The following SV2B variants were observed in gnomAD, a reference collection of about 807,000 sequenced individuals.
SV2B encodes synaptic vesicle glycoprotein 2B, also known as solute carrier family 22 member B2.
Under a neutral mutation model 73.9 loss-of-function variants are expected in SV2B, and 41 were observed. The ratio of observed to expected loss-of-function variants is 0.56; its 90% CI spans 0.43 to 0.72. The LOEUF (loss-of-function observed/expected upper bound fraction) is 0.72. Among genes scored for constraint, SV2B ranks in the 30% least tolerant of loss-of-function variants. The probability of loss-of-function intolerance (pLI) is 0.00; values close to 1 mark genes in which losing one functional copy is unlikely to be tolerated. For synonymous variants in SV2B, 314 were observed against 314.2 expected, an observed-to-expected ratio of 1.00 and a Z score of 0.01; for missense variants, 764 against 857.8, an observed-to-expected ratio of 0.89 and a Z score of 1.37.
chr15:91,248,367 A>G (rs1046155375), intron 2 of SV2B, among the ~76,000 whole-genome samples: 1 of 152,198 alleles, frequency 6.6e-6, no homozygotes, highest in African/African-American at 2.4e-5. Flanking sequence ...AAGTAGTTTA[A>G]TCAAACATTT....
chr15:91,160,487 AG>A (rs1157073024), intron 1 of SV2B, among the ~76,000 whole-genome samples: 1 of 152,212 alleles, frequency 6.6e-6, no homozygotes, highest in African/African-American at 2.4e-5. Context: ...GCATGCCTAT[AG>A]TCCCAGCTAC....
intron 1 of SV2B, among the ~76,000 whole-genome samples, chr15:91,188,094 T>C (rs1039530530): frequency 2.2e-4 from 33 of 151,968 alleles, no homozygotes; most frequent in Non-Finnish European, 3.4e-4. Flanking sequence ...ATCCATAAGT[T>C]TTTCTATAGT....
In SV2B at chr15:91,226,267, G is replaced by A. The variant is rs1252821483; in HGVS notation, c.4G>A (p.Asp2Asn). 1 of 1,614,104 alleles carries A rather than the reference G, an allele frequency of 6.2e-7. No individual in the cohort carries two copies. Among genetic ancestry groups the A allele is most frequent in the Non-Finnish European group, 8.5e-7 (1 of 1,180,008 alleles). Residue 2 changes from aspartate (D) to asparagine (N), a missense_variant, in exon 2 of 13, where the codon GAT becomes AAT. Coordinates refer to ENST00000394232, the MANE Select transcript of SV2B (RefSeq NM_001323032.3). Reference sequence around the variant, plus strand: ...CAGGCAGTCGCAGAACCAAGGAATGGATGACTACAAGTATCAGGACAATTA... The same window carrying A: ...CAGGCAGTCGCAGAACCAAGGAATGAATGACTACAAGTATCAGGACAATTA... The part of the protein sequence containing the change: M[D>N]DYKYQDNYGG...
intron 1 of SV2B, among the ~76,000 whole-genome samples, chr15:91,152,236 G>GT (rs570452398): frequency 1.5e-4 from 23 of 152,066 alleles, no homozygotes; most frequent in Non-Finnish European, 2.9e-4. Flanking sequence ...AATGTTCTTT[G>GT]TTTTTTCCAG....
rs543996812 is a variant in SV2B, at chr15:91,150,860, A to G, written c.-392+50497A>G. Among the ~76,000 whole-genome samples, 61 of 152,310 alleles carry G rather than the reference A, an allele frequency of 4.0e-4. 3 individuals carry two copies. The South Asian group carries it at 0.012, about 31-fold the overall frequency. On this transcript the variant is annotated intron_variant, in intron 1 of 12. Transcript: ENST00000394232. Reference sequence around the variant, plus strand: ...CAGATGCTTGTGAGGAAGCAGAGACAAGAGAACAGATGGCTCCATGGGGAA... The same window carrying G: ...CAGATGCTTGTGAGGAAGCAGAGACGAGAGAACAGATGGCTCCATGGGGAA...
chr15:91,252,386 C>A lies in SV2B; in HGVS notation c.650C>A (p.Pro217Gln). 1.9e-6 allele frequency: 3 copies of A among 1,611,864 alleles called. No individual in the cohort carries two copies. The highest frequency in any genetic ancestry group is 2.5e-6 in the Non-Finnish European group (3 of 1,179,116). ...ISGIGIGGAL[P>Q]IVFAYFSEFL... ...CTTTGCAGTATTGGGGGTGCTCTAC[C>A]GATTGTTTTTGCCTATTTTTCTGAA... is the stretch of plus-strand genomic sequence containing the variant. Residue 217 changes from proline (P) to glutamine (Q), a missense_variant, in exon 4 of 13, where the codon CCG (proline) becomes CAG (glutamine). Physicochemically the swap from Pro to Gln is moderately conservative, Grantham distance 76 (BLOSUM62 -1). Coordinates refer to ENST00000394232, the MANE Select transcript of SV2B (RefSeq NM_001323032.3). This position sits in a 1 kb window ranked among gnomAD's most constrained non-coding sequence, Gnocchi z 4.6.
At position 91,293,981 on chromosome 15, in the gene SV2B, A is replaced by G. The variant is rs2049134109; in HGVS notation, c.*1429A>G. 1 of 152,250 alleles carries G rather than the reference A, an allele frequency of 6.6e-6. No homozygotes were observed. The highest frequency in any genetic ancestry group is 2.4e-5 in the African/African-American group (1 of 41,464). 9.4% of individuals were successfully genotyped at this position (152,250 alleles called of 1,614,324 possible). ...TAGACTGAAGTCTTGACTGCATGGA[A>G]GAGGAAAAACATCAGAACTGTCTGA... On this transcript the variant is annotated 3_prime_UTR_variant, in exon 13 of 13. Transcript: ENST00000394232.
intron 1 of SV2B, among the ~76,000 whole-genome samples, chr15:91,145,411 C>A (rs892098685): frequency 1.3e-5 from 2 of 152,132 alleles, no homozygotes; most frequent in African/African-American, 4.8e-5. Context: ...TAGGTTGATT[C>A]CATGTCTTTG....
chr15:91,208,329 C>A (rs57570463), intron 1 of SV2B, among the ~76,000 whole-genome samples: 1 of 152,230 alleles, frequency 6.6e-6, no homozygotes, highest in East Asian at 1.9e-4. Context: ...TTATATCTCT[C>A]GGGGAATCAT....
chr15:91,167,093 G>C (rs566337222), intron 1 of SV2B, among the ~76,000 whole-genome samples: 2 of 152,108 alleles, frequency 1.3e-5, no homozygotes, highest in Non-Finnish European at 2.9e-5. Flanking sequence ...GATTACAGGC[G>C]TGAGCCACCG....
chr15:91,149,437 G>A (rs2043243056), intron 1 of SV2B, among the ~76,000 whole-genome samples: 3 of 152,198 alleles, frequency 2.0e-5, no homozygotes, highest in Admixed American at 2.0e-4. Flanking sequence ...CTAAGTCTCA[G>A]ATGTTTTGAC....
In SV2B at chr15:91,144,303, G is replaced by T. The variant is rs376416973; in HGVS notation, c.-392+43940G>T. ...TCTCAAATATACTTCTCCTTGGTGT[G>T]CTTGAAGCAGAAAAAGAAAACTCAA... is the stretch of plus-strand genomic sequence containing the variant. On this transcript the variant is annotated intron_variant, in intron 1 of 12. Transcript: ENST00000394232. 1.1e-4 allele frequency among the ~76,000 whole-genome samples: 16 copies of T among 152,268 alleles called. No homozygotes were observed. In the East Asian group the frequency reaches 2.9e-3, roughly 28 times the overall value.
At position 91,267,692 on chromosome 15, in the gene SV2B, C is replaced by T; in HGVS notation, c.1208+49C>T. The T allele has an allele frequency of 7.3e-7, 1 of 1,373,076 alleles. No homozygotes were observed. The highest frequency in any genetic ancestry group is 1.9e-4 in the Middle Eastern group (1 of 5,180). The allele number at this position is 1,373,076 out of a possible 1,614,324, so 85.1% of individuals were successfully genotyped here. A position where few individuals can be genotyped will look rare whatever the true frequency, so the allele number is the denominator to read the frequency against. Reference sequence around the variant, plus strand: ...TCGTAATTCCCTGTGCCTCAGTGGCCTCCTTTACACATTGAGGATTACAGT... The same window carrying T: ...TCGTAATTCCCTGTGCCTCAGTGGCTTCCTTTACACATTGAGGATTACAGT... On this transcript the variant is annotated intron_variant, in intron 8 of 12. Coordinates refer to ENST00000394232, the MANE Select transcript of SV2B (RefSeq NM_001323032.3). This position sits in a 1 kb window ranked among gnomAD's most constrained non-coding sequence, Gnocchi z 4.3.
rs1397626415 is a variant in SV2B, at chr15:91,232,953, C to A, written c.451+6239C>A. The stretch of plus-strand genomic sequence containing the variant: ...GCGCTCGCTTATAAGTGAGAACATG[C>A]AGTGTTTAGTTTTCTACTCCTGCAT... On this transcript the variant is annotated intron_variant, in intron 2 of 12. Transcript: ENST00000394232. The surrounding 1 kb of genome is among the most constrained non-coding windows in gnomAD (Gnocchi z 4.7). Among the ~76,000 whole-genome samples the A allele has an allele frequency of 6.6e-6, 1 of 152,164 alleles. No individual in the cohort carries two copies. The highest frequency in any genetic ancestry group is 1.9e-4 in the East Asian group (1 of 5,194).
At chr15:91,126,191 G>T (rs898483703) in intron 1 of SV2B, among the ~76,000 whole-genome samples, 2 of 152,168 alleles carry the variant, frequency 1.3e-5, no homozygotes, top group Non-Finnish European at 2.9e-5. Flanking sequence ...GGTTCCTTTG[G>T]CAAGGCTGTG....
At chr15:91,255,394 C>T (rs143274772) in intron 4 of SV2B, among the ~76,000 whole-genome samples, 2 of 152,142 alleles carry the variant, frequency 1.3e-5, no homozygotes, top group Non-Finnish European at 2.9e-5. Flanking sequence ...ATCGTATGTT[C>T]TCACTCATAA....
intron 1 of SV2B, among the ~76,000 whole-genome samples, chr15:91,171,693 T>C (rs901049422): frequency 2.0e-5 from 3 of 152,254 alleles, no homozygotes; most frequent in African/African-American, 7.2e-5. Flanking sequence ...GTGGCTTTAT[T>C]GATCGGCAAC....
At chr15:91,164,842 C>G (rs2043852761) in intron 1 of SV2B, among the ~76,000 whole-genome samples, 1 of 152,182 alleles carries the variant, frequency 6.6e-6, no homozygotes, top group African/African-American at 2.4e-5. Context: ...CCATGCAAGA[C>G]CATTCAGGGG....
rs903124818 is a variant in SV2B at position 91,223,453 on chromosome 15, G to A, written c.-391-2420G>A. Among the ~76,000 whole-genome samples, 7 of 152,264 alleles carry A rather than the reference G, an allele frequency of 4.6e-5. No individual in the cohort carries two copies. Among genetic ancestry groups the A allele is most frequent in the Admixed American group, 2.0e-4 (3 of 15,300 alleles). On this transcript the variant is annotated intron_variant, in intron 1 of 12. Transcript: ENST00000394232. The surrounding 1 kb of genome is among the most constrained non-coding windows in gnomAD (Gnocchi z 4.6). ...TCAGGTGAGTGGAGTTAGTTTTGAC[G>A]AAGATCCTCTTCTTTCTGCAAAGCA...
Sources: allele counts gnomAD v4.1 joint callset (sites outside exome capture counted in the v4.1 genomes callset), GRCh38; gene constraint gnomAD v4.1.1; non-coding constraint Gnocchi (gnomAD v3.1); transcripts MANE v1.5; gene names NCBI Gene and HGNC (gene_info 2026-07-23, HGNC 2026-07-21).